Variants in ADCY8 observed in about 807,000 individuals in gnomAD.
ADCY8 encodes the protein adenylate cyclase type 8.
ADCY8 carries 51 observed loss-of-function variants against 119.7 expected under a neutral mutation model. That is an observed-to-expected ratio of 0.43 (90% CI 0.34 to 0.54). The LOEUF is 0.54. Ranked by LOEUF, ADCY8 falls within the 20% of genes least tolerant of loss-of-function variation. The pLI, the probability that ADCY8 is intolerant of heterozygous loss-of-function variation, is 0.03. For synonymous variants in ADCY8, 665 were observed against 651.0 expected (o/e 1.02, Z -0.33); for missense variants, 1,383 against 1,598.8 (o/e 0.87, Z 2.30).
Position 130,918,019 on chromosome 8 carries a change from G to A in ADCY8, c.1482-8153C>T, listed in dbSNP as rs147257366. ...CCAAACATTCTGGGTTGGGGCCATC[G>A]TTTCTTTTAAATACAACTGGAATGT... On this transcript the variant is annotated intron_variant, in intron 5 of 17. Transcript: ENST00000286355. Among the ~76,000 whole-genome samples, 141 of 152,150 alleles carry A rather than the reference G, an allele frequency of 9.3e-4. 1 individual carries two copies. Among genetic ancestry groups the A allele is most frequent in the Admixed American group, 3.7e-3 (57 of 15,280 alleles).
chr8:130,821,321 C>T, intron 13 of ADCY8, 21 bp downstream of exon 13: 1 of 1,606,416 alleles, frequency 6.2e-7, no homozygotes, highest in Non-Finnish European at 8.5e-7. Flanking sequence ...ACAGAGCAGT[C>T]AGAGCGAAAT....
chr8:130,954,936 A>C (rs1314991195), intron 2 of ADCY8, among the ~76,000 whole-genome samples: 2 of 152,242 alleles, frequency 1.3e-5, no homozygotes, highest in African/African-American at 4.8e-5. Context: ...ACCATTGTTC[A>C]TTAAGGAAGA....
At chr8:130,944,264 T>C (rs1821044241) in intron 3 of ADCY8, among the ~76,000 whole-genome samples, 1 of 152,208 alleles carries the variant, frequency 6.6e-6, no homozygotes, top group South Asian at 2.1e-4. Flanking sequence ...TCCATTTGGT[T>C]GAATTGCACT....
chr8:130,895,662 G>A (rs1415381563), intron 7 of ADCY8, among the ~76,000 whole-genome samples: 2 of 152,090 alleles, frequency 1.3e-5, no homozygotes, highest in African/African-American at 4.8e-5. Context: ...GTCAGAAAAA[G>A]CCATGTTACT....
chr8:131,039,908 A>G lies in ADCY8; in HGVS notation c.426T>C (p.Phe142=). ...CTCGGTAGCTATAGCCCCCATTAAG[A>G]AAGAAATCCGAGTTGCTAGGGGCAC... is the stretch of plus-strand genomic sequence containing the variant. ...LDCAPSNSDF[F]LNGGYSYRGV... Residue 142 remains phenylalanine (F), a synonymous_variant, in exon 1 of 18, where the codon TTT becomes TTC. Coordinates refer to ENST00000286355, the MANE Select transcript of ADCY8 (RefSeq NM_001115.3). 1 of 1,612,844 alleles carries G rather than the reference A, an allele frequency of 6.2e-7. No individual in the cohort carries two copies. The highest frequency in any genetic ancestry group is 8.5e-7 in the Non-Finnish European group (1 of 1,179,362).
At chr8:130,807,707 G>A (rs190077629) in intron 14 of ADCY8, among the ~76,000 whole-genome samples, 2 of 152,076 alleles carry the variant, frequency 1.3e-5, no homozygotes, top group Non-Finnish European at 2.9e-5. Context: ...CAGTATCGCC[G>A]GGCGCGGTGG....
intron 15 of ADCY8, among the ~76,000 whole-genome samples, chr8:130,799,619 G>T (rs1488112894): frequency 6.6e-6 from 1 of 152,186 alleles, no homozygotes; most frequent in South Asian, 2.1e-4. Flanking sequence ...GAACTCCCTT[G>T]CTGGAAATGC....
chr8:130,830,381 C>A (rs1816795396), intron 12 of ADCY8, among the ~76,000 whole-genome samples: 2 of 152,242 alleles, frequency 1.3e-5, no homozygotes, highest in Admixed American at 6.5e-5. Context: ...GAGGGGTCAG[C>A]TTTCCCCACA....
intron 1 of ADCY8, among the ~76,000 whole-genome samples, chr8:131,031,356 G>C (rs1385134483): frequency 6.6e-6 from 1 of 152,190 alleles, no homozygotes; most frequent in African/African-American, 2.4e-5. Flanking sequence ...TTCCACAGGA[G>C]ACACACAGAA....
At chr8:130,878,325 T>G (rs943630453) in intron 8 of ADCY8, among the ~76,000 whole-genome samples, 3 of 152,204 alleles carry the variant, frequency 2.0e-5, no homozygotes, top group African/African-American at 7.2e-5. Context: ...ATCAGTAAAC[T>G]AATCAACTGT....
intron 12 of ADCY8, among the ~76,000 whole-genome samples, chr8:130,828,510 G>A (rs1191553106): frequency 6.6e-6 from 1 of 152,112 alleles, no homozygotes; most frequent in Non-Finnish European, 1.5e-5. Context: ...ACTGGAAACC[G>A]CATGGTGTTT....
intron 7 of ADCY8, among the ~76,000 whole-genome samples, chr8:130,890,573 C>T (rs1384677955): frequency 6.6e-6 from 1 of 152,142 alleles, no homozygotes; most frequent in East Asian, 1.9e-4. Flanking sequence ...AAAGGCACTA[C>T]CAATGCAGTT....
intron 7 of ADCY8, among the ~76,000 whole-genome samples, chr8:130,893,759 C>T (rs1819280528): frequency 7.8e-6 from 1 of 128,532 alleles, no homozygotes; most frequent in South Asian, 2.6e-4. Flanking sequence ...TGTGTGTGTG[C>T]ATGTTTATGT....
chr8:131,037,681 G>C (rs1192876702), intron 1 of ADCY8, among the ~76,000 whole-genome samples: 1 of 152,058 alleles, frequency 6.6e-6, no homozygotes, highest in African/African-American at 2.4e-5. Flanking sequence ...AGGGGAGGAA[G>C]ACAGGGAAGA....
At chr8:130,996,179 T>C (rs1822767710) in intron 1 of ADCY8, among the ~76,000 whole-genome samples, 1 of 151,998 alleles carries the variant, frequency 6.6e-6, no homozygotes, top group Non-Finnish European at 1.5e-5. Flanking sequence ...TTACAAAAGA[T>C]AAAGAAGAGA....
rs77306207 is a variant in ADCY8, at chr8:130,796,816, T to G, written c.3060+3610A>C. Among the ~76,000 whole-genome samples the G allele has an allele frequency of 1.3e-4, 19 of 149,046 alleles. No individual in the cohort carries two copies. The East Asian group carries it at 3.6e-3, about 28-fold the overall frequency. On this transcript the variant is annotated intron_variant, in intron 15 of 17. Coordinates refer to ENST00000286355, the MANE Select transcript of ADCY8 (RefSeq NM_001115.3). ...TTCTTCTCTTCATCGCTGCCTCTCT[T>G]CCCTCTCCTCTCTCCCCTCCTCCCC... is the stretch of plus-strand genomic sequence containing the variant.
chr8:131,036,159 T>C (rs931881879), intron 1 of ADCY8, among the ~76,000 whole-genome samples: 4 of 152,212 alleles, frequency 2.6e-5, no homozygotes, highest in Non-Finnish European at 5.9e-5. Context: ...ATCCTCAGGG[T>C]ATCACTGTAA....
chr8:130,869,967 T>TTCTTCCTTCTTCCTTCTTCCTTC (rs1563703191), intron 8 of ADCY8, among the ~76,000 whole-genome samples: 322 of 137,554 alleles, frequency 2.3e-3, no homozygotes, highest in African/African-American at 8.1e-3. Context: ...TTCTTCCTTC[T>TTCTTCCTTCTTCCTTCTTCCTTC]TCCTTCTTCC....
intron 2 of ADCY8, among the ~76,000 whole-genome samples, chr8:130,989,099 A>G (rs923084630): frequency 1.3e-5 from 2 of 152,238 alleles, no homozygotes; most frequent in African/African-American, 4.8e-5. Context: ...TCTTTCTTAA[A>G]GTTATTTTTC....
Sources: gnomAD v4.1 joint callset for allele counts (sites outside exome capture counted in the v4.1 genomes callset) on GRCh38, gnomAD v4.1.1 for gene constraint, MANE v1.5 for transcripts, NCBI Gene and HGNC (gene_info 2026-07-23, HGNC 2026-07-21) for gene names.